CNTNAP2: variants seen among roughly 807,000 people sequenced by gnomAD.
The protein encoded by CNTNAP2 is contactin associated protein 2, also known as contactin-associated protein-like 2.
A neutral mutation model predicts 155.2 loss-of-function variants in CNTNAP2; 98 were observed. The observed-to-expected ratio is 0.63, with a 90% CI of 0.54 to 0.75. The LOEUF (loss-of-function observed/expected upper bound fraction) is 0.75, where lower values mean the gene tolerates loss of function less well. CNTNAP2 is among the 30% of genes least tolerant of loss of function. The probability of loss-of-function intolerance (pLI) is 0.00; values close to 1 mark genes in which losing one functional copy is unlikely to be tolerated. For synonymous variants in CNTNAP2, 651 were observed against 631.2 expected (o/e 1.03, Z -0.47); for missense variants, 1,727 against 1,688.1 (o/e 1.02, Z -0.40).
At chr7:148,341,276 T>C (rs561036602) in intron 21 of CNTNAP2, among the ~76,000 whole-genome samples, 1 of 97,068 alleles carries the variant, frequency 1.0e-5, no homozygotes, top group South Asian at 3.2e-4. Flanking sequence ...AGGATTTCTT[T>C]TTTTTTTAAT....
chr7:147,713,811 A>G (rs1427231647), intron 13 of CNTNAP2, among the ~76,000 whole-genome samples: 2 of 152,290 alleles, frequency 1.3e-5, no homozygotes, highest in Middle Eastern at 3.4e-3. Flanking sequence ...ATAGGTGTAT[A>G]GTGGTATCAC....
At position 147,814,033 on chromosome 7, in the gene CNTNAP2, T is replaced by A. The variant is rs558071041; in HGVS notation, c.2099-89532T>A. On this transcript the variant is annotated intron_variant, in intron 13 of 23. Transcript: ENST00000361727. ...TTCGGCACTTTTTAAATGTTCTCGG[T>A]AAGATAATTTTTATTTCTGATTCAC... Among the ~76,000 whole-genome samples the A allele has an allele frequency of 5.3e-5, 8 of 152,320 alleles. No homozygotes were observed. The South Asian group carries it at 1.7e-3, about 32-fold the overall frequency.
intron 18 of CNTNAP2, among the ~76,000 whole-genome samples, chr7:148,182,232 T>A (rs990794818): frequency 1.3e-5 from 2 of 152,250 alleles, no homozygotes; most frequent in African/African-American, 2.4e-5. Context: ...TTCCCACATA[T>A]TAGCTCCATG....
chr7:147,324,369 T>G (rs1293001445), intron 9 of CNTNAP2, among the ~76,000 whole-genome samples: 1 of 152,172 alleles, frequency 6.6e-6, no homozygotes, highest in African/African-American at 2.4e-5. Context: ...AAGACAACAG[T>G]GTGCATGATT....
intron 10 of CNTNAP2, among the ~76,000 whole-genome samples, chr7:147,402,894 A>G (rs1377379441): frequency 6.6e-6 from 1 of 151,642 alleles, no homozygotes; most frequent in Non-Finnish European, 1.5e-5. Context: ...ATAAAATTCT[A>G]AGCCATCATA....
At chr7:148,232,731 T>C (rs959251686) in intron 20 of CNTNAP2, among the ~76,000 whole-genome samples, 2 of 152,252 alleles carry the variant, frequency 1.3e-5, no homozygotes, top group Non-Finnish European at 2.9e-5. Flanking sequence ...TTAAGGTGAA[T>C]GTTGATGCAT....
intron 4 of CNTNAP2, among the ~76,000 whole-genome samples, chr7:147,101,403 C>T (rs754039102): frequency 2.0e-5 from 3 of 152,176 alleles, no homozygotes; most frequent in Admixed American, 6.5e-5. Context: ...CTGGAGCGAG[C>T]GCTTTTGGGC....
At chr7:148,270,548 A>G (rs934610751) in intron 21 of CNTNAP2, among the ~76,000 whole-genome samples, 1 of 152,248 alleles carries the variant, frequency 6.6e-6, no homozygotes, top group African/African-American at 2.4e-5. Flanking sequence ...TCCACCATAT[A>G]CTAACAAGGA....
chr7:146,450,428 T>C (rs1469147792), intron 1 of CNTNAP2, among the ~76,000 whole-genome samples: 2 of 152,228 alleles, frequency 1.3e-5, no homozygotes, highest in East Asian at 3.8e-4. Flanking sequence ...ACTCATTTTC[T>C]GCATTAAGCT....
intron 1 of CNTNAP2, among the ~76,000 whole-genome samples, chr7:146,132,808 A>G (rs1034213998): frequency 1.3e-5 from 2 of 149,464 alleles, no homozygotes; most frequent in African/African-American, 4.9e-5. Context: ...AATCCAGTCT[A>G]TCGTTGTTGG....
chr7:147,050,246 A>T (rs1347808955), intron 4 of CNTNAP2, among the ~76,000 whole-genome samples: 1 of 152,216 alleles, frequency 6.6e-6, no homozygotes, highest in Non-Finnish European at 1.5e-5. Context: ...GAGGTCTCAG[A>T]TTAATAATTT....
chr7:147,135,938 G>A (rs9640235), intron 8 of CNTNAP2, among the ~76,000 whole-genome samples: 51,391 of 150,988 alleles, frequency 0.34, 9,520 homozygotes, highest in East Asian at 0.57. Flanking sequence ...ACTCTATATT[G>A]GAAAACTAAA....
intron 15 of CNTNAP2, among the ~76,000 whole-genome samples, chr7:147,986,873 T>TTG (rs71686634): frequency 0.031 from 4,602 of 147,388 alleles, 214 homozygotes; most frequent in African/African-American, 0.1. Context: ...TGTTTTTTGT[T>TTG]TGTGTGTGTG....
chr7:147,868,215 C>A (rs1177660855), intron 13 of CNTNAP2, among the ~76,000 whole-genome samples: 1 of 152,184 alleles, frequency 6.6e-6, no homozygotes, highest in South Asian at 2.1e-4. Flanking sequence ...CCCTCAGCTG[C>A]AGTTCTGTTG....
At chr7:147,001,505 T>C (rs1282694484) in intron 3 of CNTNAP2, among the ~76,000 whole-genome samples, 1 of 152,124 alleles carries the variant, frequency 6.6e-6, no homozygotes, top group Admixed American at 6.6e-5. Context: ...GAGAAAATCA[T>C]AATTGTGGCT....
At position 147,977,942 on chromosome 7, in the gene CNTNAP2, G is replaced by C. The variant is rs200413148; in HGVS notation, c.2336G>C (p.Gly779Ala). 1.2e-6 allele frequency: 2 copies of C among 1,614,086 alleles called. No homozygotes were observed. Among genetic ancestry groups the C allele is most frequent in the Middle Eastern group, 1.7e-4 (1 of 6,054 alleles). The change falls in exon 15 of 24, where the codon GGC (glycine) becomes GCC (alanine). Residue 779 changes from glycine (G) to alanine (A), a missense_variant. Coordinates refer to ENST00000361727, the MANE Select transcript of CNTNAP2 (RefSeq NM_014141.6). ...QVVVGDTDRQ[G>A]SEAKLSVGPL... ...GTGGTTGGAGATACTGACCGTCAAG[G>C]CTCAGAAGCCAAATTGAGCGTAGGT... is the stretch of plus-strand genomic sequence containing the variant.
intron 3 of CNTNAP2, among the ~76,000 whole-genome samples, chr7:146,908,125 A>T (rs991341742): frequency 2.6e-5 from 4 of 152,170 alleles, no homozygotes; most frequent in African/African-American, 4.8e-5. Flanking sequence ...TATGCACCCA[A>T]TACAGGAGCA....
chr7:147,862,367 C>A (rs939950105), intron 13 of CNTNAP2, among the ~76,000 whole-genome samples: 1 of 149,844 alleles, frequency 6.7e-6, no homozygotes, highest in Admixed American at 6.7e-5. Context: ...GTGTCGTATC[C>A]AAGACCATCC....
chr7:148,211,255 A>G (rs905609118), intron 18 of CNTNAP2, among the ~76,000 whole-genome samples: 11 of 152,232 alleles, frequency 7.2e-5, no homozygotes, highest in African/African-American at 2.4e-4. Flanking sequence ...CCTAGACTTT[A>G]GCAGAAGCTG....
Sources: allele counts gnomAD v4.1 joint callset (sites outside exome capture counted in the v4.1 genomes callset), GRCh38; gene constraint gnomAD v4.1.1; transcripts MANE v1.5; gene names NCBI Gene and HGNC (gene_info 2026-07-23, HGNC 2026-07-21).